SNX25: variants seen among roughly 807,000 people sequenced by gnomAD.
SNX25 encodes the protein sorting nexin-25.
SNX25 carries 62 observed loss-of-function variants against 113.7 expected under a neutral mutation model. The ratio of observed to expected loss-of-function variants is 0.55; its 90% confidence interval spans 0.44 to 0.67. SNX25 has a LOEUF of 0.67. Ranked by LOEUF, SNX25 falls within the 30% of genes least tolerant of loss-of-function variation. The pLI, the probability that SNX25 is intolerant of heterozygous loss-of-function variation, is 0.00. For missense variants in SNX25, 1,014 were observed against 1,161.0 expected (o/e 0.87, Z 1.84); for synonymous variants, 421 against 436.2 (o/e 0.97, Z 0.43).
rs115448136 is a variant in SNX25, at chr4:185,362,448, A to T, written c.2834-163A>T. 198 of 810,792 alleles carry T rather than the reference A, an allele frequency of 2.4e-4. 1 individual carries two copies. The African/African-American group carries it at 3.6e-3, about 15-fold the overall frequency. 50.2% of individuals were successfully genotyped at this position (810,792 alleles called of 1,614,324 possible). On this transcript the variant is annotated intron_variant, in intron 17 of 18. Coordinates refer to ENST00000652585, the MANE Select transcript of SNX25 (RefSeq NM_001378034.2). ...TAATTTGTATAAGTGCCTTATGTTG[A>T]AACATTCTTTCCTGAAGCATTTGAG...
chr4:185,307,007 G>T (rs1754559762), intron 6 of SNX25, among the ~76,000 whole-genome samples: 1 of 152,232 alleles, frequency 6.6e-6, no homozygotes, highest in Non-Finnish European at 1.5e-5. Flanking sequence ...GGGATGAAAA[G>T]ATGTCTGATA....
At chr4:185,296,215 A>ATAC (rs111621616) in intron 6 of SNX25, among the ~76,000 whole-genome samples, 1,718 of 152,238 alleles carry the variant, frequency 0.011, 21 homozygotes, top group South Asian at 0.05. Flanking sequence ...CCACCTGATA[A>ATAC]TACTGTAGGG....
chr4:185,323,075 G>A (rs1227740399), intron 8 of SNX25, among the ~76,000 whole-genome samples: 2 of 152,172 alleles, frequency 1.3e-5, no homozygotes, highest in Admixed American at 6.5e-5. Context: ...TCATTCTGAA[G>A]TAGTCATTCT....
At chr4:185,253,494 G>C (rs1013029253) in intron 2 of SNX25, among the ~76,000 whole-genome samples, 1 of 148,978 alleles carries the variant, frequency 6.7e-6, no homozygotes, top group Non-Finnish European at 1.5e-5. Flanking sequence ...TTGAGACCGA[G>C]TCTTACTCTG....
intron 5 of SNX25, among the ~76,000 whole-genome samples, chr4:185,268,074 T>C (rs12503547): frequency 0.37 from 55,893 of 151,984 alleles, 11,266 homozygotes; most frequent in East Asian, 0.56. Flanking sequence ...AGTGGACTCA[T>C]GCAGTTCAAA....
intron 1 of SNX25, among the ~76,000 whole-genome samples, chr4:185,211,937 A>C (rs1737876888): frequency 1.3e-5 from 2 of 152,140 alleles, no homozygotes; most frequent in Admixed American, 6.6e-5. Flanking sequence ...TAAAACGTGG[A>C]TTATCATCTA....
At position 185,290,249 on chromosome 4, in the gene SNX25, G is replaced by A. The variant is rs1358974848; in HGVS notation, c.1162+2167G>A. On this transcript the variant is annotated intron_variant, in intron 6 of 18. Coordinates refer to ENST00000652585, the MANE Select transcript of SNX25 (RefSeq NM_001378034.2). ...GAATTTGTTTTGGGAGTGCGGGAAG[G>A]ACACGATTCAGCCCATAACAGTTAT... Among the ~76,000 whole-genome samples, 13 of 152,318 alleles carry A rather than the reference G, an allele frequency of 8.5e-5. No individual in the cohort carries two copies. The East Asian group carries it at 1.9e-3, about 23-fold the overall frequency.
chr4:185,310,636 T>C lies in SNX25; in HGVS notation c.1164T>C (p.Gly388=), dbSNP rs375978052. 1.9e-6 allele frequency: 3 copies of C among 1,612,530 alleles called. No homozygotes were observed. The highest frequency in any genetic ancestry group is 2.5e-6 in the Non-Finnish European group (3 of 1,179,340). ...TACTGTTTCTCACTCCTATTCAAGG[T>C]AAAGAAACTGCGGCAATGAAAGCTG... ...SSFPQLKRHK[G]KETAAMKADL... Residue 388 remains glycine (G), a splice_region_variant and synonymous_variant, in exon 7 of 19, where the codon GGT becomes GGC. Coordinates refer to ENST00000652585, the MANE Select transcript of SNX25 (RefSeq NM_001378034.2).
At chr4:185,288,555 G>A (rs1405175275) in intron 6 of SNX25, among the ~76,000 whole-genome samples, 1 of 115,406 alleles carries the variant, frequency 8.7e-6, no homozygotes, top group Non-Finnish European at 1.7e-5. Context: ...TTTAAGCATT[G>A]GATTGCTAAT....
intron 13 of SNX25, among the ~76,000 whole-genome samples, chr4:185,347,909 TTTAC>T (rs1298975892): frequency 6.6e-6 from 1 of 152,224 alleles, no homozygotes; most frequent in Non-Finnish European, 1.5e-5. Flanking sequence ...TGGATTGCCT[TTTAC>T]TTAATGATTG....
chr4:185,240,352 G>A (rs1241448609), intron 1 of SNX25, among the ~76,000 whole-genome samples: 26 of 151,764 alleles, frequency 1.7e-4, no homozygotes, highest in African/African-American at 5.8e-4. Flanking sequence ...GCCGGGCAGA[G>A]GCGCCTCTCA....
chr4:185,350,674 A>G (rs1032255523), intron 13 of SNX25, among the ~76,000 whole-genome samples: 2 of 152,118 alleles, frequency 1.3e-5, no homozygotes, highest in Non-Finnish European at 2.9e-5. Context: ...CAGCCTGGCC[A>G]ATATGGTGAA....
intron 2 of SNX25, 91 bp downstream of exon 2, chr4:185,247,469 C>A: frequency 1.0e-6 from 1 of 995,042 alleles, no homozygotes; most frequent in Non-Finnish European, 1.6e-6. Flanking sequence ...ATTTATTCTT[C>A]TTGTCTGCAT....
chr4:185,210,349 C>A lies in SNX25; in HGVS notation c.429+94C>A. 1.0e-6 allele frequency: 1 copy of A among 984,598 alleles called. No individual in the cohort carries two copies. Among genetic ancestry groups the A allele is most frequent in the Non-Finnish European group, 1.2e-6 (1 of 829,632 alleles). The allele number at this position is 984,598 out of a possible 1,614,324, so 61.0% of individuals were successfully genotyped here. On this transcript the variant is annotated intron_variant, in intron 1 of 18. Transcript: ENST00000652585. This position sits in a 1 kb window ranked among gnomAD's most constrained non-coding sequence, Gnocchi z 4.4. ...CCGAGCTCCGGGGGGCCGCGGCATGCCCTTGTCGAAGCGGGAAGCCGGGAG... is the reference window on the plus strand; with the variant it reads ...CCGAGCTCCGGGGGGCCGCGGCATGACCTTGTCGAAGCGGGAAGCCGGGAG...
At chr4:185,251,537 A>T (rs896832518) in intron 2 of SNX25, among the ~76,000 whole-genome samples, 2 of 151,720 alleles carry the variant, frequency 1.3e-5, no homozygotes, top group East Asian at 1.9e-4. Flanking sequence ...CTCAGGTTTC[A>T]TCCATATTGT....
At chr4:185,359,911 T>C (rs945385572) in intron 16 of SNX25, among the ~76,000 whole-genome samples, 5 of 152,188 alleles carry the variant, frequency 3.3e-5, no homozygotes, top group African/African-American at 1.2e-4. Flanking sequence ...TCCATTTCAG[T>C]GGGCTTTTTA....
chr4:185,217,255 G>A (rs79849718), intron 1 of SNX25, among the ~76,000 whole-genome samples: 3 of 149,668 alleles, frequency 2.0e-5, no homozygotes, highest in Non-Finnish European at 4.4e-5. Context: ...TGTGTCTTGG[G>A]AAAAAAAAAA....
Position 185,247,273 on chromosome 4 carries a change from AT to A in SNX25, c.430-14del, listed in dbSNP as rs1330650492. On this transcript the variant is annotated intron_variant, in intron 1 of 18. Transcript: ENST00000652585. The stretch of plus-strand genomic sequence containing the variant: ...TTATTCATTCAGTAATCTGCTTTGT[AT>A]TTTTTTCCTTTCATTTCAGAGTCCT... 4.6e-6 allele frequency: 7 copies of A among 1,528,766 alleles called. No individual in the cohort carries two copies. Among genetic ancestry groups the A allele is most frequent in the South Asian group, 1.2e-5 (1 of 82,694 alleles). The allele number at this position is 1,528,766 out of a possible 1,614,324, so 94.7% of individuals were successfully genotyped here.
At chr4:185,345,818 T>G (rs1251074300) in intron 12 of SNX25, among the ~76,000 whole-genome samples, 2 of 151,958 alleles carry the variant, frequency 1.3e-5, no homozygotes, top group African/African-American at 4.8e-5. Flanking sequence ...AATGCAGTAA[T>G]AGAGCTACAA....
Sources: allele counts gnomAD v4.1 joint callset (sites outside exome capture counted in the v4.1 genomes callset), GRCh38; gene constraint gnomAD v4.1.1; non-coding constraint Gnocchi (gnomAD v3.1); transcripts MANE v1.5; gene names NCBI Gene and HGNC (gene_info 2026-07-23, HGNC 2026-07-21).